The following IDE variants were observed in gnomAD, a reference collection of about 807,000 sequenced individuals.
IDE encodes the protein insulin degrading enzyme.
A neutral mutation model predicts 133.2 loss-of-function variants in IDE; 58 were observed. That is an observed-to-expected ratio of 0.44 (90% CI 0.35 to 0.54). The LOEUF (loss-of-function observed/expected upper bound fraction) is 0.54. Ranked by LOEUF, IDE falls within the 20% of genes least tolerant of loss-of-function variation. The pLI is 0.00. For missense variants in IDE, 981 were observed against 1,234.0 expected, an observed-to-expected ratio of 0.79 and a Z score of 3.07; for synonymous variants, 396 against 421.3, an observed-to-expected ratio of 0.94 and a Z score of 0.73.
chr10:92,485,305 G>A (rs1846922126), intron 13 of IDE, among the ~76,000 whole-genome samples: 1 of 151,838 alleles, frequency 6.6e-6, no homozygotes, highest in Admixed American at 6.6e-5. Flanking sequence ...TTTTTTAGTA[G>A]AGACGGGGCT....
chr10:92,534,209 A>G (rs1221116790), intron 3 of IDE, among the ~76,000 whole-genome samples: 1 of 152,242 alleles, frequency 6.6e-6, no homozygotes, highest in Admixed American at 6.5e-5. Context: ...TCTACTAAGC[A>G]TCCTTGAGAA....
chr10:92,571,127 T>G (rs564056427), intron 1 of IDE, among the ~76,000 whole-genome samples: 9 of 151,882 alleles, frequency 5.9e-5, no homozygotes, highest in Middle Eastern at 3.4e-3. Flanking sequence ...TTCTCCTGCC[T>G]CAGCCTCATG....
In IDE at chr10:92,506,554, G is replaced by A. The variant is rs761439916; in HGVS notation, c.1246-32C>T. ...TAGAAAGTTAATCCAATTAGATACG[G>A]CCACCCTTATTTAGAAACCTTTTTT... On this transcript the variant is annotated intron_variant, in intron 9 of 24. Coordinates refer to ENST00000265986, the MANE Select transcript of IDE (RefSeq NM_004969.4). 1.3e-5 allele frequency: 14 copies of A among 1,066,380 alleles called. No individual in the cohort carries two copies. In the Admixed American group the frequency reaches 2.7e-4, roughly 21 times the overall value. 66.1% of individuals were successfully genotyped at this position (1,066,380 alleles called of 1,614,324 possible).
chr10:92,537,807 G>A (rs1322030780), intron 1 of IDE, among the ~76,000 whole-genome samples: 2 of 152,152 alleles, frequency 1.3e-5, no homozygotes, highest in African/African-American at 4.8e-5. Flanking sequence ...TTGAGATAGG[G>A]TGGGTTAGAC....
chr10:92,547,505 A>G (rs1281305040), intron 1 of IDE, among the ~76,000 whole-genome samples: 1 of 152,196 alleles, frequency 6.6e-6, no homozygotes, highest in Non-Finnish European at 1.5e-5. Flanking sequence ...AATGGTTGGG[A>G]TCAGATGTAT....
intron 14 of IDE, among the ~76,000 whole-genome samples, chr10:92,482,637 C>T (rs769191666): frequency 2.0e-5 from 3 of 151,996 alleles, no homozygotes; most frequent in Non-Finnish European, 4.4e-5. Context: ...GGTAAATCTA[C>T]GGCCTCCTCA....
chr10:92,570,258 C>T (rs1564690152), intron 1 of IDE, among the ~76,000 whole-genome samples: 2 of 152,018 alleles, frequency 1.3e-5, no homozygotes, highest in Non-Finnish European at 1.5e-5. Flanking sequence ...TTGAAAGAAA[C>T]AACAAAACAT....
chr10:92,465,588 T>C (rs1845640533), intron 20 of IDE, 88 bp downstream of exon 20: 3 of 1,113,430 alleles, frequency 2.7e-6, no homozygotes, highest in African/African-American at 3.1e-5. Flanking sequence ...TGATATACAG[T>C]GTTAGGTGAA....
At chr10:92,518,712 C>T (rs574395616) in intron 4 of IDE, among the ~76,000 whole-genome samples, 10 of 152,122 alleles carry the variant, frequency 6.6e-5, no homozygotes, top group African/African-American at 2.2e-4. Context: ...CAATAAAATA[C>T]AAAAATTATC....
intron 11 of IDE, among the ~76,000 whole-genome samples, chr10:92,497,934 T>C (rs1193124946): frequency 6.6e-6 from 1 of 152,256 alleles, no homozygotes; most frequent in Non-Finnish European, 1.5e-5. Flanking sequence ...GGTCAATTAC[T>C]GGCTCTAGAG....
intron 11 of IDE, among the ~76,000 whole-genome samples, chr10:92,498,716 A>T (rs1278063760): frequency 1.3e-5 from 2 of 152,278 alleles, no homozygotes; most frequent in African/African-American, 4.8e-5. Flanking sequence ...AGATCGTGCC[A>T]TTGCACTCCA....
At chr10:92,546,602 G>A (rs765916941) in intron 1 of IDE, among the ~76,000 whole-genome samples, 12 of 152,104 alleles carry the variant, frequency 7.9e-5, no homozygotes, top group Non-Finnish European at 1.3e-4. Flanking sequence ...GGTGTGTCTC[G>A]AGACAATTAT....
intron 14 of IDE, chr10:92,480,899 C>G (rs1413405292): frequency 1.0e-6 from 1 of 963,324 alleles, no homozygotes; most frequent in African/African-American, 1.8e-5. Flanking sequence ...CAGCCAAAAG[C>G]CAACAATTTT....
chr10:92,472,049 G>A (rs2250090), intron 17 of IDE, among the ~76,000 whole-genome samples: 7,587 of 152,274 alleles, frequency 0.05, 242 homozygotes, highest in Middle Eastern at 0.092. Context: ...AGTCACTGAA[G>A]AGGCAGCCTC....
At chr10:92,472,917 G>T (rs1489439905) in intron 17 of IDE, among the ~76,000 whole-genome samples, 1 of 145,938 alleles carries the variant, frequency 6.9e-6, no homozygotes, top group Non-Finnish European at 1.5e-5. Context: ...GATTACAGGC[G>T]TGAGCCACCA....
intron 1 of IDE, among the ~76,000 whole-genome samples, chr10:92,541,140 C>A (rs115998316): frequency 4.1e-4 from 62 of 152,242 alleles, no homozygotes; most frequent in African/African-American, 1.3e-3. Flanking sequence ...GGCAATACTC[C>A]CTAATCAAAT....
chr10:92,524,733 G>A (rs890141375), intron 4 of IDE, among the ~76,000 whole-genome samples: 14 of 145,490 alleles, frequency 9.6e-5, no homozygotes, highest in Non-Finnish European at 1.9e-4. Flanking sequence ...GATCAGCCTG[G>A]CCAATATAGC....
chr10:92,481,931 A>G (rs978822281), intron 14 of IDE, among the ~76,000 whole-genome samples: 2 of 152,222 alleles, frequency 1.3e-5, no homozygotes, highest in East Asian at 3.8e-4. Flanking sequence ...TATCACTCTC[A>G]AATATCAAAA....
rs768509634 is a variant in IDE, at chr10:92,514,912, G to T, written c.784+8C>A. On this transcript the variant is annotated splice_region_variant and intron_variant, in intron 5 of 24. Coordinates refer to ENST00000265986, the MANE Select transcript of IDE (RefSeq NM_004969.4). The stretch of plus-strand genomic sequence containing the variant: ...TCCAATTCTATAAAAAATTGTAAGG[G>T]TTCTTACCTCGACCTAAAACACAAA... 1.2e-6 allele frequency: 2 copies of T among 1,607,742 alleles called. No homozygotes were observed. The highest frequency in any genetic ancestry group is 3.4e-5 in the Admixed American group (2 of 59,042).
Sources: allele counts gnomAD v4.1 joint callset (sites outside exome capture counted in the v4.1 genomes callset), GRCh38; gene constraint gnomAD v4.1.1; transcripts MANE v1.5; gene names NCBI Gene and HGNC (gene_info 2026-07-23, HGNC 2026-07-21).